Variants in ATP11A observed in about 807,000 individuals in gnomAD.
ATP11A encodes the protein ATPase phospholipid transporting 11A, also known as phospholipid-transporting ATPase IH.
In ATP11A, 81 loss-of-function variants were observed where a neutral mutation model predicts 154.4. The observed-to-expected ratio is 0.52, with a 90% CI of 0.44 to 0.63. The LOEUF is 0.63. Ranked by LOEUF, ATP11A falls within the 30% of genes least tolerant of loss-of-function variation. The pLI is 0.00. For synonymous variants in ATP11A, 623 were observed against 585.9 expected (o/e 1.06, Z -0.91); for missense variants, 1,316 against 1,474.3 (o/e 0.89, Z 1.76).
At chr13:112,728,945 C>T (rs908383903) in intron 1 of ATP11A, among the ~76,000 whole-genome samples, 1 of 152,174 alleles carries the variant, frequency 6.6e-6, no homozygotes, top group African/African-American at 2.4e-5. Context: ...TCCACCGTGG[C>T]CCTGGTGCAT....
At chr13:112,738,071 T>C (rs1468570978) in intron 1 of ATP11A, among the ~76,000 whole-genome samples, 1 of 152,098 alleles carries the variant, frequency 6.6e-6, no homozygotes, top group East Asian at 1.9e-4. Context: ...TTGCCTCGGG[T>C]TGAAATAGCT....
At chr13:112,780,246 C>G (rs899874423) in intron 1 of ATP11A, among the ~76,000 whole-genome samples, 4 of 152,108 alleles carry the variant, frequency 2.6e-5, no homozygotes, top group Non-Finnish European at 5.9e-5. Context: ...AAGTCGTGCA[C>G]CCACCACCAC....
chr13:112,723,462 G>C lies in ATP11A; in HGVS notation c.39+33007G>C, dbSNP rs564521808. Among the ~76,000 whole-genome samples the C allele has an allele frequency of 1.6e-3, 236 of 149,066 alleles. 1 individual carries two copies. The highest frequency in any genetic ancestry group is 5.7e-3 in the African/African-American group (229 of 40,192). On this transcript the variant is annotated intron_variant, in intron 1 of 29. Coordinates refer to ENST00000375645, the MANE Select transcript of ATP11A (RefSeq NM_015205.3). ...AACTTTTGTACTTTTAGTAGAGACG[G>C]GGTTTCACAATGTCGGCCAGGCTGG... is the stretch of plus-strand genomic sequence containing the variant.
At chr13:112,692,419 A>G (rs1005085775) in intron 1 of ATP11A, among the ~76,000 whole-genome samples, 1 of 152,078 alleles carries the variant, frequency 6.6e-6, no homozygotes, top group African/African-American at 2.4e-5. Context: ...TCATCTTGGG[A>G]GGGGGACAGA....
chr13:112,805,051 G>A lies in ATP11A; in HGVS notation c.252+5G>A. Reference sequence around the variant, plus strand: ...CTTATCATATTTCTGGTGCAGGTAAGGCCGGTCATTGTTTTCCATCTCATC... The same window carrying A: ...CTTATCATATTTCTGGTGCAGGTAAAGCCGGTCATTGTTTTCCATCTCATC... On this transcript the variant is annotated splice_donor_5th_base_variant and intron_variant, in intron 3 of 29. Transcript: ENST00000375645. The A allele has an allele frequency of 6.3e-7, 1 of 1,595,578 alleles. No individual in the cohort carries two copies. Among genetic ancestry groups the A allele is most frequent in the Non-Finnish European group, 8.5e-7 (1 of 1,170,020 alleles).
chr13:112,821,346 G>A (rs759327289), intron 8 of ATP11A, among the ~76,000 whole-genome samples: 2 of 151,900 alleles, frequency 1.3e-5, no homozygotes, highest in Non-Finnish European at 2.9e-5. Context: ...ACAGAGTCTC[G>A]CTCTGTCACC....
chr13:112,840,075 A>G (rs1449481830), intron 16 of ATP11A, among the ~76,000 whole-genome samples: 1 of 150,580 alleles, frequency 6.6e-6, no homozygotes, highest in African/African-American at 2.5e-5. Context: ...CCAGGGTCCA[A>G]CTCCCAGCCT....
chr13:112,772,461 T>C (rs1015055046), intron 1 of ATP11A, among the ~76,000 whole-genome samples: 19 of 152,178 alleles, frequency 1.2e-4, no homozygotes, highest in Non-Finnish European at 5.9e-5. Flanking sequence ...CTTAAACAAT[T>C]TGATGAGTTT....
chr13:112,832,746 C>T (rs999463189), intron 13 of ATP11A, 114 bp from the exon 14 acceptor site: 38 of 1,250,532 alleles, frequency 3.0e-5, no homozygotes, highest in African/African-American at 7.5e-5. Flanking sequence ...AAGCTGCCTT[C>T]GTGGCCGCGG....
intron 1 of ATP11A, among the ~76,000 whole-genome samples, chr13:112,774,902 G>A (rs1411052806): frequency 1.3e-4 from 20 of 151,854 alleles, no homozygotes; most frequent in Non-Finnish European, 2.2e-4. Flanking sequence ...GCGAGGCTGT[G>A]TGTCTGAGCA....
Position 112,766,550 on chromosome 13 carries a change from G to A in ATP11A, c.40-18585G>A, listed in dbSNP as rs376245730. Among the ~76,000 whole-genome samples the A allele has an allele frequency of 1.2e-3, 189 of 152,214 alleles. 1 individual carries two copies. The highest frequency in any genetic ancestry group is 4.2e-3 in the African/African-American group (175 of 41,542). ...GCAGCCTCAGGTCAGTGACTGGCCC[G>A]GCAGTGTCTTCTGGGGTCAGGGTCC... On this transcript the variant is annotated intron_variant, in intron 1 of 29. Coordinates refer to ENST00000375645, the MANE Select transcript of ATP11A (RefSeq NM_015205.3).
chr13:112,803,909 C>T (rs1406803640), intron 2 of ATP11A, among the ~76,000 whole-genome samples: 2 of 97,380 alleles, frequency 2.1e-5, no homozygotes, highest in Non-Finnish European at 4.4e-5. Flanking sequence ...CCCTCCTTCA[C>T]CTCCCTCCCC....
intron 1 of ATP11A, among the ~76,000 whole-genome samples, chr13:112,762,959 A>C (rs1310639838): frequency 6.6e-6 from 1 of 152,242 alleles, no homozygotes; most frequent in Non-Finnish European, 1.5e-5. Flanking sequence ...TCTTAGGGGC[A>C]AAGAATAAAA....
At chr13:112,797,905 G>A (rs1437307651) in intron 2 of ATP11A, among the ~76,000 whole-genome samples, 1 of 152,190 alleles carries the variant, frequency 6.6e-6, no homozygotes, top group Non-Finnish European at 1.5e-5. Context: ...AATTTATAGA[G>A]AAGAGACATT....
At chr13:112,854,599 C>A in intron 19 of ATP11A, 69 bp downstream of exon 19, 1 of 1,528,154 alleles carries the variant, frequency 6.5e-7, no homozygotes, top group South Asian at 1.2e-5. Context: ...GTGGCCTTCA[C>A]CTGCAAGTCG....
rs547255287 is a variant in ATP11A at position 112,753,005 on chromosome 13, C to T, written c.40-32130C>T. Among the ~76,000 whole-genome samples the T allele has an allele frequency of 1.3e-5, 2 of 152,170 alleles. No individual in the cohort carries two copies. Among genetic ancestry groups the T allele is most frequent in the Non-Finnish European group, 2.9e-5 (2 of 68,028 alleles). On this transcript the variant is annotated intron_variant, in intron 1 of 29. Coordinates refer to ENST00000375645, the MANE Select transcript of ATP11A (RefSeq NM_015205.3). The surrounding 1 kb of genome is among the most constrained non-coding windows in gnomAD (Gnocchi z 4.1). The stretch of plus-strand genomic sequence containing the variant: ...CCTGCCCACAGGTGAGTTAACAGGT[C>T]ATCTTTTCATCTTTCACTCTAAGTC...
chr13:112,711,155 G>A (rs1330615444), intron 1 of ATP11A, among the ~76,000 whole-genome samples: 4 of 152,212 alleles, frequency 2.6e-5, no homozygotes, highest in African/African-American at 9.6e-5. Flanking sequence ...TGGGCCGCGT[G>A]CGGCTCTTCC....
Position 112,785,188 on chromosome 13 carries a change from G to T in ATP11A, c.93G>T (p.Arg31Ser). Reference protein sequence around the residue: ...VDSRTIYVGHREPPPGAEAYI... With the variant: ...VDSRTIYVGHSEPPPGAEAYI... ...GCAGGACCATCTACGTGGGACACAG[G>T]GAGCCACCTCCGGGCGCAGAGGCCT... The change falls in exon 2 of 30, where the codon AGG becomes AGT. Residue 31 changes from arginine (R) to serine (S), a missense_variant. This residue lies in a region of ATP11A where 123 missense variants were observed against 113.7 expected (regional missense o/e 1.08). Coordinates refer to ENST00000375645, the MANE Select transcript of ATP11A (RefSeq NM_015205.3). The surrounding 1 kb of genome is among the most constrained non-coding windows in gnomAD (Gnocchi z 4.8). The T allele has an allele frequency of 6.3e-7, 1 of 1,578,946 alleles. No individual in the cohort carries two copies. Among genetic ancestry groups the T allele is most frequent in the Non-Finnish European group, 8.6e-7 (1 of 1,162,974 alleles).
chr13:112,751,647 G>A (rs530956940), intron 1 of ATP11A, among the ~76,000 whole-genome samples: 1 of 152,098 alleles, frequency 6.6e-6, no homozygotes, highest in African/African-American at 2.4e-5. Flanking sequence ...GCGACAGTGA[G>A]GCTCCATCTC....
Sources: allele counts gnomAD v4.1 joint callset (sites outside exome capture counted in the v4.1 genomes callset), GRCh38; gene constraint gnomAD v4.1.1; regional missense constraint gnomAD v4.1.1; non-coding constraint Gnocchi (gnomAD v3.1); transcripts MANE v1.5; gene names NCBI Gene and HGNC (gene_info 2026-07-23, HGNC 2026-07-21).